Variants in C19orf47 observed in about 807,000 individuals in gnomAD.
The protein encoded by C19orf47 is chromosome 19 open reading frame 47.
C19orf47 carries 18 observed loss-of-function variants against 32.3 expected under a neutral mutation model. The observed-to-expected ratio is 0.56, with a 90% CI of 0.39 to 0.83. The LOEUF is 0.83. Ranked by LOEUF, C19orf47 falls within the 40% of genes least tolerant of loss-of-function variation. The pLI, the probability that C19orf47 is intolerant of heterozygous loss-of-function variation, is 0.00. For missense variants in C19orf47, 484 were observed against 531.6 expected, an observed-to-expected ratio of 0.91 and a Z score of 0.88; for synonymous variants, 202 against 211.1, an observed-to-expected ratio of 0.96 and a Z score of 0.37.
intron 4 of C19orf47, among the ~76,000 whole-genome samples, chr19:40,335,679 G>C (rs571947631): frequency 3.3e-5 from 5 of 150,514 alleles, no homozygotes; most frequent in African/African-American, 1.2e-4. Flanking sequence ...GTGCGATCTC[G>C]GCTCACTGCA....
Position 40,326,492 on chromosome 19 carries a change from G to T in C19orf47, c.440-6C>A. 2 of 1,611,602 alleles carry T rather than the reference G, an allele frequency of 1.2e-6. No homozygotes were observed. The highest frequency in any genetic ancestry group is 8.5e-7 in the Non-Finnish European group (1 of 1,179,890). On this transcript the variant is annotated splice_polypyrimidine_tract_variant and splice_region_variant and intron_variant, in intron 6 of 8. Transcript: ENST00000683109. ...CTCCCGGCGGGCCAGGGCTGCTGGGGGAAGAAAGCAGGGGTATCAGCACTC... is the reference window on the plus strand; with the variant it reads ...CTCCCGGCGGGCCAGGGCTGCTGGGTGAAGAAAGCAGGGGTATCAGCACTC...
At chr19:40,311,336 G>A in the C19orf47 span, among the ~76,000 whole-genome samples, 2 of 151,114 alleles carry the variant, frequency 1.3e-5, no homozygotes, top group South Asian at 2.1e-4. Context: ...CCAAAATCAC[G>A]CCATTGCACT....
the C19orf47 span, among the ~76,000 whole-genome samples, chr19:40,306,302 C>T: frequency 4.6e-5 from 7 of 152,030 alleles, no homozygotes; most frequent in Middle Eastern, 3.4e-3. Flanking sequence ...TGCATGTATC[C>T]TTATGGAGGG....
intron 5 of C19orf47, among the ~76,000 whole-genome samples, chr19:40,330,540 C>T (rs1424717440): frequency 6.2e-5 from 4 of 64,600 alleles, no homozygotes; most frequent in South Asian, 7.5e-4. Flanking sequence ...ACCCGGCCCT[C>T]TTTTTTTTTT....
the C19orf47 span, among the ~76,000 whole-genome samples, chr19:40,308,915 A>T: frequency 1.3e-5 from 2 of 152,120 alleles, no homozygotes; most frequent in African/African-American, 2.4e-5. Context: ...ACAAAAAATT[A>T]AAAAATTAGC....
intron 7 of C19orf47, chr19:40,324,304 T>C (rs2145522899): frequency 3.4e-6 from 2 of 586,724 alleles, no homozygotes; most frequent in South Asian, 2.0e-5. Flanking sequence ...GCAGATTCCC[T>C]ACACCTCAGC....
chr19:40,338,178 G>A (rs1304706208), intron 2 of C19orf47, among the ~76,000 whole-genome samples: 3 of 150,172 alleles, frequency 2.0e-5, no homozygotes, highest in Non-Finnish European at 4.4e-5. Flanking sequence ...GGGCTCAAGC[G>A]ATCTTCCCAC....
At chr19:40,323,446 T>C (rs1360485842) in intron 8 of C19orf47, among the ~76,000 whole-genome samples, 1 of 152,220 alleles carries the variant, frequency 6.6e-6, no homozygotes, top group Non-Finnish European at 1.5e-5. Flanking sequence ...GCCTGGGGCC[T>C]GTGGGACTGC....
chr19:40,313,453 C>A, the C19orf47 span, among the ~76,000 whole-genome samples: 1 of 152,166 alleles, frequency 6.6e-6, no homozygotes, highest in African/African-American at 2.4e-5. Context: ...GCCACCCAAG[C>A]AGCTGGGACT....
At chr19:40,331,301 T>C (rs2077948216) in intron 5 of C19orf47, among the ~76,000 whole-genome samples, 1 of 152,200 alleles carries the variant, frequency 6.6e-6, no homozygotes, top group Non-Finnish European at 1.5e-5. Flanking sequence ...GCCAGCTAGA[T>C]AATTATGGAC....
the C19orf47 span, among the ~76,000 whole-genome samples, chr19:40,303,256 G>T: frequency 6.6e-6 from 1 of 151,790 alleles, no homozygotes; most frequent in African/African-American, 2.4e-5. Flanking sequence ...AGGCGCAGTA[G>T]CTCACACCTG....
At chr19:40,334,355 G>T (rs1165461813) in intron 4 of C19orf47, among the ~76,000 whole-genome samples, 2 of 152,094 alleles carry the variant, frequency 1.3e-5, no homozygotes, top group African/African-American at 4.8e-5. Context: ...GGGCTGAGGT[G>T]GTAGGATTGC....
chr19:40,331,373 C>T (rs1452562432), intron 5 of C19orf47, among the ~76,000 whole-genome samples: 3 of 152,214 alleles, frequency 2.0e-5, no homozygotes, highest in African/African-American at 2.4e-5. Flanking sequence ...TATGTGAATG[C>T]GGCCGTCAAC....
upstream of C19orf47, chr19:40,348,498 A>G: frequency 6.7e-7 from 1 of 1,495,968 alleles, no homozygotes; most frequent in Non-Finnish European, 8.9e-7. Flanking sequence ...CACCAGCGAG[A>G]GTGCGGCCAT....
At chr19:40,303,782 C>T in the C19orf47 span, among the ~76,000 whole-genome samples, 17 of 118,810 alleles carry the variant, frequency 1.4e-4, no homozygotes, top group Middle Eastern at 6.3e-3. Context: ...TCAGCCTGGG[C>T]GACAGAACGA....
chr19:40,297,848 C>T, the C19orf47 span, among the ~76,000 whole-genome samples: 24 of 138,866 alleles, frequency 1.7e-4, no homozygotes, highest in Admixed American at 7.7e-4. Context: ...CATTCCAGGC[C>T]GAGCGACAGA....
At chr19:40,312,001 A>G in the C19orf47 span, among the ~76,000 whole-genome samples, 1 of 152,132 alleles carries the variant, frequency 6.6e-6, no homozygotes, top group Non-Finnish European at 1.5e-5. Context: ...TCATATTGAT[A>G]TGTGCAACAT....
rs746738063 is a variant in C19orf47, at chr19:40,326,350, C to T, written c.576G>A (p.Gln192=). ...TTPRTRKILE[Q]QQAAKGLHRT... Reference sequence around the variant, plus strand: ...GGCCAGTACCTTTTGCAGCCTGCTGCTGCTCCAGGATCTTGCGGGTGCGGG... The same window carrying T: ...GGCCAGTACCTTTTGCAGCCTGCTGTTGCTCCAGGATCTTGCGGGTGCGGG... Residue 192 remains glutamine, a synonymous_variant, in exon 7 of 9, where the codon CAG becomes CAA. Transcript: ENST00000683109. The T allele has an allele frequency of 1.2e-6, 2 of 1,614,192 alleles. No homozygotes were observed. Among genetic ancestry groups the T allele is most frequent in the East Asian group, 2.2e-5 (1 of 44,878 alleles).
chr19:40,306,711 C>T, the C19orf47 span, among the ~76,000 whole-genome samples: 1 of 151,620 alleles, frequency 6.6e-6, no homozygotes, highest in East Asian at 2.0e-4. Flanking sequence ...CTTCTTGTTA[C>T]TTTTCTAAAA....
Sources: allele counts gnomAD v4.1 joint callset (sites outside exome capture counted in the v4.1 genomes callset), GRCh38; gene constraint gnomAD v4.1.1; transcripts MANE v1.5; gene names NCBI Gene and HGNC (gene_info 2026-07-23, HGNC 2026-07-21).